SKOR2: variants seen among roughly 807,000 people sequenced by gnomAD.
SKOR2 encodes SKI family transcriptional corepressor 2.
In SKOR2, 47 loss-of-function variants were observed where a neutral mutation model predicts 69.1. The ratio of observed to expected loss-of-function variants is 0.68; its 90% CI spans 0.54 to 0.87. The LOEUF (loss-of-function observed/expected upper bound fraction) is 0.87. Ranked by LOEUF, SKOR2 falls within the 40% of genes least tolerant of loss-of-function variation. The probability of loss-of-function intolerance (pLI) is 0.00; values close to 1 mark genes in which losing one functional copy is unlikely to be tolerated. For missense variants in SKOR2, 1,404 were observed against 1,472.2 expected (o/e 0.95, Z 0.76); for synonymous variants, 717 against 672.6 (o/e 1.07, Z -1.02).
At chr18:47,209,323 A>G (rs1220066797) in intron 8 of SKOR2, among the ~76,000 whole-genome samples, 1 of 152,196 alleles carries the variant, frequency 6.6e-6, no homozygotes, top group Non-Finnish European at 1.5e-5. Flanking sequence ...ACATTAATGC[A>G]TCAGTACCTA....
intron 6 of SKOR2, among the ~76,000 whole-genome samples, chr18:47,227,065 C>A (rs184934565): frequency 6.6e-6 from 1 of 152,302 alleles, no homozygotes; most frequent in Admixed American, 6.5e-5. Context: ...GCCTCTGTTC[C>A]AGCAAGCGCA....
At chr18:47,216,381 A>C (rs915472973) in intron 7 of SKOR2, among the ~76,000 whole-genome samples, 4 of 152,286 alleles carry the variant, frequency 2.6e-5, no homozygotes, top group African/African-American at 9.6e-5. Context: ...AAAATACCCA[A>C]ATTTTGAGCT....
chr18:47,248,220 C>A lies in SKOR2; in HGVS notation c.964G>T (p.Ala322Ser), dbSNP rs1163827859. ...GAGAGGCTGGCGGCGGCCACTACGGCGGCCTCCTGCAAGGAGTCGTCGTCG... is the reference window on the plus strand; with the variant it reads ...GAGAGGCTGGCGGCGGCCACTACGGAGGCCTCCTGCAAGGAGTCGTCGTCG... ...DDDDDSLQEA[A>S]VVAAASLSAA... The change falls in exon 2 of 9, where the codon GCC becomes TCC. Residue 322 changes from alanine (A) to serine (S), a missense_variant. This residue lies in a region of SKOR2 where 1,266 missense variants were observed against 1,309.9 expected (regional missense o/e 0.97). Transcript: ENST00000425639. This position sits in a 1 kb window ranked among gnomAD's most constrained non-coding sequence, Gnocchi z 6.4. 7 of 1,230,308 alleles carry A rather than the reference C, an allele frequency of 5.7e-6. No homozygotes were observed. The highest frequency in any genetic ancestry group is 3.1e-4 in the Middle Eastern group (1 of 3,252). 76.2% of individuals were successfully genotyped at this position (1,230,308 alleles called of 1,614,324 possible). A position where few individuals can be genotyped will look rare whatever the true frequency, so the allele number is the denominator to read the frequency against.
chr18:47,248,306 G>T lies in SKOR2; in HGVS notation c.878C>A (p.Pro293Gln). The T allele has an allele frequency of 8.3e-7, 1 of 1,205,916 alleles. No individual in the cohort carries two copies. Among genetic ancestry groups the T allele is most frequent in the East Asian group, 3.5e-5 (1 of 28,756 alleles). The allele number at this position is 1,205,916 out of a possible 1,614,324, so 74.7% of individuals were successfully genotyped here. A position where few individuals can be genotyped will look rare whatever the true frequency, so the allele number is the denominator to read the frequency against. ...GAPPPPPPPP[P>Q]PLAELAGAPH... ...GGCACCAGCCAGCTCTGCCAAGGGC[G>T]GCGGTGGCGGCGGCGGCGGCGGGGG... Residue 293 changes from proline to glutamine, a missense_variant, in exon 2 of 9, where the codon CCG becomes CAG. By Grantham distance (76) the Pro-to-Gln change is moderately conservative (BLOSUM62 -1). Around this residue, in one of 3 missense-constraint regions of SKOR2, gnomAD observed 1,266 missense variants for 1,309.9 expected, o/e 0.97. Coordinates refer to ENST00000425639, the MANE Select transcript of SKOR2 (RefSeq NM_001278063.4). This position sits in a 1 kb window ranked among gnomAD's most constrained non-coding sequence, Gnocchi z 6.4.
At chr18:47,207,336 CT>C (rs1413948830) in intron 8 of SKOR2, among the ~76,000 whole-genome samples, 3 of 152,122 alleles carry the variant, frequency 2.0e-5, no homozygotes, top group African/African-American at 4.8e-5. Context: ...ATATTTATAA[CT>C]GATAATACAA....
chr18:47,208,754 T>C (rs1018245468), intron 8 of SKOR2, among the ~76,000 whole-genome samples: 1 of 152,182 alleles, frequency 6.6e-6, no homozygotes, highest in Admixed American at 6.5e-5. Context: ...GGATAATGCC[T>C]GCAACATTTT....
intron 6 of SKOR2, among the ~76,000 whole-genome samples, chr18:47,228,215 C>T (rs938054630): frequency 1.3e-5 from 2 of 152,216 alleles, no homozygotes; most frequent in African/African-American, 4.8e-5. Context: ...TGTATCTAAA[C>T]CACGCATTAT....
chr18:47,231,015 G>T lies in SKOR2; in HGVS notation c.2753-15C>A, dbSNP rs1308795734. On this transcript the variant is annotated splice_polypyrimidine_tract_variant and intron_variant, in intron 4 of 8. Coordinates refer to ENST00000425639, the MANE Select transcript of SKOR2 (RefSeq NM_001278063.4). Reference sequence around the variant, plus strand: ...TGTATGTTCACCTTTTAAAAAAGCAGGAAAAATACTATTAGTTTTGTGTAG... The same window carrying T: ...TGTATGTTCACCTTTTAAAAAAGCATGAAAAATACTATTAGTTTTGTGTAG... The T allele has an allele frequency of 1.3e-6, 2 of 1,535,726 alleles. No individual in the cohort carries two copies. The highest frequency in any genetic ancestry group is 1.7e-6 in the Non-Finnish European group (2 of 1,146,798).
intron 4 of SKOR2, among the ~76,000 whole-genome samples, chr18:47,231,706 G>A (rs2064200266): frequency 1.3e-5 from 2 of 152,012 alleles, no homozygotes; most frequent in South Asian, 4.1e-4. Flanking sequence ...AGCTGGGCGT[G>A]GTGGTGCATG....
At position 47,248,211 on chromosome 18, in the gene SKOR2, C is replaced by T; in HGVS notation, c.973G>A (p.Ala325Thr). The part of the protein sequence containing the change: ...DDSLQEAAVV[A>T]AASLSAAAAS... ...GCTGCGGCCGAGAGGCTGGCGGCGG[C>T]CACTACGGCGGCCTCCTGCAAGGAG... Residue 325 changes from alanine (A) to threonine (T), a missense_variant, in exon 2 of 9, where the codon GCC becomes ACC. This residue lies in a region of SKOR2 where 1,266 missense variants were observed against 1,309.9 expected (regional missense o/e 0.97). Transcript: ENST00000425639. This position sits in a 1 kb window ranked among gnomAD's most constrained non-coding sequence, Gnocchi z 6.4. The T allele has an allele frequency of 8.1e-7, 1 of 1,231,352 alleles. No homozygotes were observed. Among genetic ancestry groups the T allele is most frequent in the South Asian group, 3.8e-5 (1 of 26,556 alleles). The allele number at this position is 1,231,352 out of a possible 1,614,324, so 76.3% of individuals were successfully genotyped here.
rs2064301072 is a variant in SKOR2, at chr18:47,249,101, T to TGAG, written c.82_83insCTC (p.Ser27_Gln28insPro). On this transcript the variant is annotated inframe_insertion, in exon 2 of 9. Coordinates refer to ENST00000425639, the MANE Select transcript of SKOR2 (RefSeq NM_001278063.4). ...GAGGTTGGCGTGCCCTGGCCGCGGC[T>TGAG]GGCTCAGCGTGTCGGGCTGGAAGGC... The TGAG allele has an allele frequency of 6.5e-7, 1 of 1,536,036 alleles. No homozygotes were observed. The highest frequency in any genetic ancestry group is 1.4e-5 in the African/African-American group (1 of 73,046).
intron 7 of SKOR2, among the ~76,000 whole-genome samples, chr18:47,218,833 C>A (rs2064152345): frequency 6.6e-6 from 1 of 152,078 alleles, no homozygotes; most frequent in Admixed American, 6.6e-5. Flanking sequence ...CAGGTGCAAA[C>A]AAAACCAACA....
intron 2 of SKOR2, among the ~76,000 whole-genome samples, chr18:47,246,013 G>A (rs2064271341): frequency 1.3e-5 from 2 of 148,766 alleles, no homozygotes; most frequent in South Asian, 2.2e-4. Flanking sequence ...TCCGAGAAGA[G>A]GGTCTATACT....
intron 4 of SKOR2, among the ~76,000 whole-genome samples, chr18:47,242,949 C>A (rs990549822): frequency 7.2e-5 from 11 of 152,120 alleles, no homozygotes; most frequent in African/African-American, 2.4e-4. Flanking sequence ...AAATACACAG[C>A]CATTGCTACA....
chr18:47,245,079 T>A, intron 3 of SKOR2, 97 bp from the exon 4 acceptor site: 1 of 927,604 alleles, frequency 1.1e-6, no homozygotes, highest in Non-Finnish European at 1.6e-6. Context: ...GGATGCTACT[T>A]ATTATATCTA....
At chr18:47,223,051 G>T (rs572573787) in intron 6 of SKOR2, among the ~76,000 whole-genome samples, 1 of 152,140 alleles carries the variant, frequency 6.6e-6, no homozygotes, top group East Asian at 1.9e-4. Flanking sequence ...TAAAACTTTG[G>T]TATGCCAATA....
chr18:47,251,019 G>T (rs565181181), intron 1 of SKOR2, among the ~76,000 whole-genome samples: 31 of 151,374 alleles, frequency 2.0e-4, no homozygotes, highest in Non-Finnish European at 3.8e-4. Flanking sequence ...CGCAGCCTTA[G>T]CAGCAGTAGA....
At position 47,249,149 on chromosome 18, in the gene SKOR2, A is replaced by T; in HGVS notation, c.35T>A (p.Ile12Asn). ...ASSPLPGPND[I>N]LLASPSSAFQ... ...GGCGCTCGACGGCGACGCCAGCAGG[A>T]TGTCGTTGGGCCCTGGCAGCGGACT... The change falls in exon 2 of 9, where the codon ATC becomes AAC. Residue 12 changes from isoleucine to asparagine, a missense_variant. Ile to Asn is a moderately radical substitution (Grantham distance 149). Around this residue, in one of 3 missense-constraint regions of SKOR2, gnomAD observed 104 missense variants for 95.7 expected, o/e 1.09. Transcript: ENST00000425639. The T allele has an allele frequency of 1.3e-6, 2 of 1,535,564 alleles. No homozygotes were observed. Among genetic ancestry groups the T allele is most frequent in the Non-Finnish European group, 1.7e-6 (2 of 1,146,622 alleles).
At chr18:47,212,262 G>GA (rs1161773462) in intron 7 of SKOR2, 111 bp from the exon 8 acceptor site, 52 of 999,752 alleles carry the variant, frequency 5.2e-5, no homozygotes, top group Non-Finnish European at 6.4e-5. Flanking sequence ...GATCCTCCCT[G>GA]AAAAAAAGAG....
Sources: gnomAD v4.1 joint callset for allele counts (sites outside exome capture counted in the v4.1 genomes callset) on GRCh38, gnomAD v4.1.1 for gene constraint, gnomAD v4.1.1 regional missense constraint, Gnocchi (gnomAD v3.1) non-coding constraint, MANE v1.5 for transcripts, NCBI Gene and HGNC (gene_info 2026-07-23, HGNC 2026-07-21) for gene names.